The following BEND7 variants were observed in gnomAD, a reference collection of about 807,000 sequenced individuals.
BEND7 encodes the protein BEN domain-containing protein 7.
A neutral mutation model predicts 50.9 loss-of-function variants in BEND7; 28 were observed. The observed-to-expected ratio is 0.55, with a 90% CI of 0.41 to 0.75. The LOEUF is 0.75. BEND7 is among the 30% of genes least tolerant of loss of function. BEND7 has a pLI of 0.00. For synonymous variants in BEND7, 170 were observed against 183.9 expected, an observed-to-expected ratio of 0.92 and a Z score of 0.61; for missense variants, 477 against 491.3, an observed-to-expected ratio of 0.97 and a Z score of 0.28.
intron 2 of BEND7, chr10:13,511,400 G>GA (rs1226866311): frequency 2.6e-5 from 4 of 152,134 alleles, no homozygotes; most frequent in Admixed American, 6.5e-5. Context: ...TGTTTCGAAG[G>GA]AAAAATGATC....
At chr10:13,463,657 T>C (rs1045004950) in intron 6 of BEND7, among the ~76,000 whole-genome samples, 1 of 152,106 alleles carries the variant, frequency 6.6e-6, no homozygotes, top group African/African-American at 2.4e-5. Flanking sequence ...TAAAAGGATA[T>C]AATTATATCA....
At chr10:13,523,444 ACT>A (rs1437784552) in intron 2 of BEND7, among the ~76,000 whole-genome samples, 3 of 152,134 alleles carry the variant, frequency 2.0e-5, no homozygotes, top group Middle Eastern at 3.2e-3. Context: ...ATTCTAGAAG[ACT>A]CTTTTTCACC....
chr10:13,525,808 A>C (rs1042245929), intron 2 of BEND7, among the ~76,000 whole-genome samples: 8 of 152,346 alleles, frequency 5.3e-5, no homozygotes, highest in Middle Eastern at 3.4e-3. Flanking sequence ...CCAATTACAC[A>C]AACTATTGCC....
chr10:13,472,353 T>TCTTAGACTCAGGGCCAACATCATCATC (rs2074947717), intron 6 of BEND7, among the ~76,000 whole-genome samples: 1 of 151,596 alleles, frequency 6.6e-6, no homozygotes, highest in Non-Finnish European at 1.5e-5. Context: ...ACATCATCAT[T>TCTTAGACTCAGGGCCAACATCATCATC]GCTGTTAGAC....
intron 6 of BEND7, among the ~76,000 whole-genome samples, chr10:13,474,118 G>C (rs921483292): frequency 1.3e-5 from 2 of 152,086 alleles, no homozygotes; most frequent in African/African-American, 4.8e-5. Flanking sequence ...GTTAGACTCA[G>C]GGCCGATATC....
chr10:13,458,763 C>T (rs1839579310), intron 6 of BEND7, among the ~76,000 whole-genome samples: 1 of 152,052 alleles, frequency 6.6e-6, no homozygotes, highest in South Asian at 2.1e-4. Flanking sequence ...AACTGGGGAG[C>T]ACTTGCAGCC....
chr10:13,451,384 T>G (rs1588648084), intron 7 of BEND7, among the ~76,000 whole-genome samples: 1 of 149,976 alleles, frequency 6.7e-6, no homozygotes, highest in Admixed American at 6.6e-5. Context: ...TTTTTTTTGG[T>G]GTGTGTGTGT....
At chr10:13,455,564 G>C (rs887391104) in intron 6 of BEND7, among the ~76,000 whole-genome samples, 1 of 152,130 alleles carries the variant, frequency 6.6e-6, no homozygotes. Context: ...CAGGGACTTG[G>C]GTGTGACGTG....
At chr10:13,509,450 T>C (rs2078122151) in intron 2 of BEND7, among the ~76,000 whole-genome samples, 1 of 152,168 alleles carries the variant, frequency 6.6e-6, no homozygotes, top group Non-Finnish European at 1.5e-5. Context: ...GGCTGGTGCC[T>C]GTGAGTCAGG....
intron 6 of BEND7, among the ~76,000 whole-genome samples, chr10:13,473,142 TTGA>T (rs1202857135): frequency 2.0e-5 from 3 of 151,960 alleles, no homozygotes; most frequent in African/African-American, 7.3e-5. Context: ...AGACTTGGGG[TTGA>T]TACCTGTCAT....
chr10:13,464,043 C>A (rs113037696), intron 6 of BEND7, among the ~76,000 whole-genome samples: 8 of 152,214 alleles, frequency 5.3e-5, no homozygotes, highest in Non-Finnish European at 7.3e-5. Context: ...GGCAAGAATG[C>A]GGGAAAGTGG....
In BEND7 at chr10:13,528,611, G is replaced by A; in HGVS notation, c.-78C>T. ...CGGCAGCGGCGGCAGCGGCAGCGGCGGCGCGGGCTCGTGTCACCGCGGCGG... is the reference window on the plus strand; with the variant it reads ...CGGCAGCGGCGGCAGCGGCAGCGGCAGCGCGGGCTCGTGTCACCGCGGCGG... On this transcript the variant is annotated 5_prime_UTR_variant, in exon 1 of 9. Coordinates refer to ENST00000466271, the MANE Select transcript of BEND7 (RefSeq NM_001369863.1). The A allele has an allele frequency of 1.3e-6, 1 of 766,444 alleles. No homozygotes were observed. Among genetic ancestry groups the A allele is most frequent in the Non-Finnish European group, 1.5e-6 (1 of 645,524 alleles). 47.5% of individuals were successfully genotyped at this position (766,444 alleles called of 1,614,324 possible).
intron 2 of BEND7, among the ~76,000 whole-genome samples, chr10:13,501,756 G>C (rs1002570306): frequency 5.3e-5 from 8 of 151,968 alleles, no homozygotes; most frequent in African/African-American, 1.5e-4. Context: ...TGAGGTGGAA[G>C]GACTGCTTGA....
At chr10:13,445,688 A>G (rs886624976) in intron 8 of BEND7, 2 of 152,182 alleles carry the variant, frequency 1.3e-5, no homozygotes, top group African/African-American at 4.8e-5. Context: ...CTCTGACCTC[A>G]GTTTTCTCAC....
At chr10:13,442,396 A>C (rs984327555) in intron 8 of BEND7, 6 of 152,224 alleles carry the variant, frequency 3.9e-5, no homozygotes, top group Non-Finnish European at 7.3e-5. Flanking sequence ...TTATACAATA[A>C]ATGAAGTGTA....
rs193236194 is a variant in BEND7 at position 13,486,292 on chromosome 10, G to A, written c.838-5168C>T. ...AATCCTCCTGCCTTGGCCTCCCAAA[G>A]TGCTGGGATTATAGGCGGGAGCCAA... On this transcript the variant is annotated intron_variant, in intron 5 of 8. Coordinates refer to ENST00000466271, the MANE Select transcript of BEND7 (RefSeq NM_001369863.1). Among the ~76,000 whole-genome samples, 837 of 152,338 alleles carry A rather than the reference G, an allele frequency of 5.5e-3. 6 individuals are homozygous for A. The highest frequency in any genetic ancestry group is 0.019 in the African/African-American group (787 of 41,568).
intron 4 of BEND7, among the ~76,000 whole-genome samples, chr10:13,493,078 A>G (rs2076783808): frequency 6.6e-6 from 1 of 152,250 alleles, no homozygotes; most frequent in Admixed American, 6.5e-5. Context: ...AGGCAGAAAA[A>G]TACTCAGGAG....
chr10:13,477,880 T>C (rs2075572363), intron 6 of BEND7, among the ~76,000 whole-genome samples: 1 of 152,242 alleles, frequency 6.6e-6, no homozygotes, highest in Non-Finnish European at 1.5e-5. Flanking sequence ...AATACTGGTC[T>C]GTGTGAAGCT....
chr10:13,510,677 T>A (rs1589023251), intron 2 of BEND7, among the ~76,000 whole-genome samples: 1 of 152,266 alleles, frequency 6.6e-6, no homozygotes, highest in East Asian at 1.9e-4. Context: ...CGCTACAGGA[T>A]AACTAGGGGC....
Sources: gnomAD v4.1 joint callset for allele counts (sites outside exome capture counted in the v4.1 genomes callset) on GRCh38, gnomAD v4.1.1 for gene constraint, MANE v1.5 for transcripts, NCBI Gene and HGNC (gene_info 2026-07-23, HGNC 2026-07-21) for gene names.